Variants in SEC22A observed in about 807,000 individuals in gnomAD.
SEC22A encodes vesicle-trafficking protein SEC22a.
A neutral mutation model predicts 35.3 loss-of-function variants in SEC22A; 22 were observed. That is an observed-to-expected ratio of 0.62 (90% confidence interval 0.45 to 0.89). SEC22A has a LOEUF of 0.89. Among genes scored for constraint, SEC22A ranks in the 40% least tolerant of loss-of-function variants. The pLI is 0.00. For missense variants in SEC22A, 354 were observed against 362.5 expected, an observed-to-expected ratio of 0.98 and a Z score of 0.19; for synonymous variants, 119 against 129.5, an observed-to-expected ratio of 0.92 and a Z score of 0.55.
intron 4 of SEC22A, among the ~76,000 whole-genome samples, chr3:123,243,304 T>C (rs1380488800): frequency 6.6e-6 from 1 of 152,148 alleles, no homozygotes; most frequent in African/African-American, 2.4e-5. Context: ...GCCTACTGCA[T>C]TGGGTTGTTG....
chr3:123,209,428 C>T (rs201321468), intron 2 of SEC22A, 29 bp downstream of exon 2: 1 of 1,569,528 alleles, frequency 6.4e-7, no homozygotes, highest in South Asian at 1.1e-5. Flanking sequence ...TCATTTGACT[C>T]ATTTGCCCAG....
chr3:123,206,595 T>TAA (rs66692423), intron 1 of SEC22A, among the ~76,000 whole-genome samples: 33 of 150,524 alleles, frequency 2.2e-4, no homozygotes, highest in African/African-American at 6.8e-4. Context: ...TAAAACATGG[T>TAA]AAAAAAAAAA....
intron 4 of SEC22A, among the ~76,000 whole-genome samples, chr3:123,238,745 C>A (rs1046210930): frequency 6.6e-6 from 1 of 152,038 alleles, no homozygotes; most frequent in African/African-American, 2.4e-5. Flanking sequence ...TCTTTCTAAT[C>A]TTTTGATCCT....
At chr3:123,265,891 A>G (rs1938013007) in intron 6 of SEC22A, among the ~76,000 whole-genome samples, 3 of 152,080 alleles carry the variant, frequency 2.0e-5, no homozygotes, top group African/African-American at 7.2e-5. Flanking sequence ...ATTTTGTTGC[A>G]TTGATTTCTT....
Position 123,223,540 on chromosome 3 carries a change from A to T in SEC22A, c.183-19A>T. ...TGATTTAATTTGAAATTTTAAAACC[A>T]ATGTTTTTTACACTGTAGTTTTATT... is the stretch of plus-strand genomic sequence containing the variant. On this transcript the variant is annotated intron_variant, in intron 2 of 6. Transcript: ENST00000492595. The T allele has an allele frequency of 6.2e-7, 1 of 1,604,936 alleles. No homozygotes were observed.
At chr3:123,260,280 A>G (rs1937860348) in intron 6 of SEC22A, among the ~76,000 whole-genome samples, 2 of 152,090 alleles carry the variant, frequency 1.3e-5, no homozygotes, top group South Asian at 4.1e-4. Flanking sequence ...CACAGTAAAA[A>G]CAGGATTTTA....
intron 6 of SEC22A, among the ~76,000 whole-genome samples, chr3:123,261,037 A>G (rs530412795): frequency 6.6e-6 from 1 of 151,658 alleles, no homozygotes. Flanking sequence ...ACGTTTCACC[A>G]TGTTAGCCAG....
chr3:123,210,425 T>C (rs574840087), intron 2 of SEC22A, among the ~76,000 whole-genome samples: 2 of 152,328 alleles, frequency 1.3e-5, no homozygotes, highest in South Asian at 4.1e-4. Flanking sequence ...GGATGAATAA[T>C]GTAGCTGAAA....
At chr3:123,203,660 G>A (rs1041011652) in intron 1 of SEC22A, among the ~76,000 whole-genome samples, 31 of 152,170 alleles carry the variant, frequency 2.0e-4, no homozygotes, top group Admixed American at 2.0e-3. Flanking sequence ...GGTTTCTTGT[G>A]TCTTGTTGGT....
In SEC22A at chr3:123,272,700, ACT is replaced by A. The variant is rs1413165028; in HGVS notation, c.*979_*980del. 6.5e-6 allele frequency: 1 copy of A among 153,688 alleles called. No individual in the cohort carries two copies. Among genetic ancestry groups the A allele is most frequent in the Non-Finnish European group, 1.5e-5 (1 of 68,054 alleles). The allele number at this position is 153,688 out of a possible 1,614,324, so 9.5% of individuals were successfully genotyped here. Reference sequence around the variant, plus strand: ...GATGTTACCAGCACCAGCATGAGGCACTGTCTCTGGAATAGTCAGAGGATAAA... The same window carrying A: ...GATGTTACCAGCACCAGCATGAGGCAGTCTCTGGAATAGTCAGAGGATAAA... On this transcript the variant is annotated 3_prime_UTR_variant, in exon 7 of 7. Coordinates refer to ENST00000492595, the MANE Select transcript of SEC22A (RefSeq NM_012430.5).
Position 123,271,508 on chromosome 3 carries a change from T to C in SEC22A, c.724-14T>C. The C allele has an allele frequency of 6.2e-7, 1 of 1,604,478 alleles. No homozygotes were observed. ...TGTAACCCTAATCATCTTTCATTTT[T>C]ATATTTTGAACAGTGTTATTTACTT... On this transcript the variant is annotated splice_polypyrimidine_tract_variant and intron_variant, in intron 6 of 6. Coordinates refer to ENST00000492595, the MANE Select transcript of SEC22A (RefSeq NM_012430.5).
chr3:123,201,974 C>G lies in SEC22A; in HGVS notation c.-32C>G, dbSNP rs974147698. 1 of 152,618 alleles carries G rather than the reference C, an allele frequency of 6.6e-6. No individual in the cohort carries two copies. The highest frequency in any genetic ancestry group is 2.4e-5 in the African/African-American group (1 of 41,434). The allele number at this position is 152,618 out of a possible 1,614,324, so 9.5% of individuals were successfully genotyped here. On this transcript the variant is annotated 5_prime_UTR_variant, in exon 1 of 7. Coordinates refer to ENST00000492595, the MANE Select transcript of SEC22A (RefSeq NM_012430.5). ...GGGCGCGTCACTCGGAGCGGCGGGT[C>G]CCGTCTCGACAGGTACTCCCCGGCC...
At chr3:123,218,649 T>C (rs1344193509) in intron 2 of SEC22A, among the ~76,000 whole-genome samples, 1 of 152,196 alleles carries the variant, frequency 6.6e-6, no homozygotes, top group Admixed American at 6.5e-5. Flanking sequence ...TAAAGCCTTC[T>C]GGAGAACAGT....
intron 1 of SEC22A, among the ~76,000 whole-genome samples, chr3:123,203,344 G>T (rs537181569): frequency 1.1e-4 from 17 of 152,188 alleles, no homozygotes; most frequent in African/African-American, 3.9e-4. Flanking sequence ...ACGCTTAAAT[G>T]AGGTAATGTG....
intron 1 of SEC22A, 124 bp from the exon 2 acceptor site, chr3:123,209,075 G>A (rs1936895610): frequency 1.4e-6 from 1 of 712,370 alleles, no homozygotes; most frequent in Non-Finnish European, 2.4e-6. Context: ...TTACAGGTGT[G>A]AGCCACCACA....
chr3:123,250,409 CA>C (rs113701615), intron 5 of SEC22A, among the ~76,000 whole-genome samples: 4 of 146,582 alleles, frequency 2.7e-5, no homozygotes, highest in East Asian at 2.0e-4. Flanking sequence ...GACTCCGTCT[CA>C]AAAAAAAAAT....
intron 5 of SEC22A, among the ~76,000 whole-genome samples, chr3:123,250,940 G>A (rs1937607079): frequency 6.6e-6 from 1 of 152,142 alleles, no homozygotes; most frequent in Non-Finnish European, 1.5e-5. Flanking sequence ...ATATTTATGT[G>A]TATCTTTTTA....
chr3:123,204,758 C>T (rs897711465), intron 1 of SEC22A: 20 of 152,192 alleles, frequency 1.3e-4, no homozygotes, highest in African/African-American at 4.1e-4. Flanking sequence ...TTCAGGTTCC[C>T]TGTGAGTTAA....
At chr3:123,232,495 A>AT (rs976446140) in intron 4 of SEC22A, among the ~76,000 whole-genome samples, 91 of 152,294 alleles carry the variant, frequency 6.0e-4, no homozygotes, top group African/African-American at 2.0e-3. Flanking sequence ...TTTACTGGTG[A>AT]TTTTTACCAA....
Sources: gnomAD v4.1 joint callset for allele counts (sites outside exome capture counted in the v4.1 genomes callset) on GRCh38, gnomAD v4.1.1 for gene constraint, MANE v1.5 for transcripts, NCBI Gene and HGNC (gene_info 2026-07-23, HGNC 2026-07-21) for gene names.